Variants in ING4 observed in about 807,000 individuals in gnomAD.
The protein encoded by ING4 is inhibitor of growth family member 4.
ING4 carries 28 observed loss-of-function variants against 33.1 expected under a neutral mutation model. The ratio of observed to expected loss-of-function variants is 0.85; its 90% CI spans 0.63 to 1.16. The LOEUF (loss-of-function observed/expected upper bound fraction) is 1.16, where lower values mean the gene tolerates loss of function less well. Among genes scored for constraint, ING4 ranks in the 50% most tolerant of loss-of-function variants. The pLI is 0.00. For missense variants in ING4, 247 were observed against 314.7 expected (o/e 0.78, Z 1.63); for synonymous variants, 87 against 104.4 (o/e 0.83, Z 1.02).
intron 2 of ING4, among the ~76,000 whole-genome samples, chr12:6,653,919 G>A (rs993105277): frequency 6.6e-6 from 1 of 152,134 alleles, no homozygotes; most frequent in Non-Finnish European, 1.5e-5. Context: ...CTGGAGTGCA[G>A]TGGCACAATC....
intron 6 of ING4, among the ~76,000 whole-genome samples, chr12:6,651,784 T>C (rs2365102): frequency 0.93 from 141,191 of 151,554 alleles, 66,061 homozygotes; most frequent in Non-Finnish European, 0.97. Context: ...TCAAGTGATC[T>C]GCTCACCTTG....
chr12:6,659,563 G>A (rs1423259871), intron 1 of ING4, among the ~76,000 whole-genome samples: 1 of 151,582 alleles, frequency 6.6e-6, no homozygotes, highest in Non-Finnish European at 1.5e-5. Context: ...CTGTAATCCC[G>A]GCACTTTGGG....
intron 1 of ING4, among the ~76,000 whole-genome samples, chr12:6,658,994 G>A (rs1180293062): frequency 6.6e-6 from 1 of 152,062 alleles, no homozygotes; most frequent in East Asian, 1.9e-4. Flanking sequence ...CATCCCTCTT[G>A]GCCTATTAAA....
Position 6,651,196 on chromosome 12 carries a change from T to C in ING4, c.746A>G (p.Ter249TrpextTer18). 2 of 1,614,192 alleles carry C rather than the reference T, an allele frequency of 1.2e-6. No individual in the cohort carries two copies. Among genetic ancestry groups the C allele is most frequent in the Non-Finnish European group, 1.7e-6 (2 of 1,179,996 alleles). ...TGTGTTGGAATCCAAGGCCCTTATC[T>C]ATTTCTTCTTCCGTTCTTGGGAGCA... ...PRCSQERKKK[*>W] Residue 249 changes from the stop codon to tryptophan (W), a stop_lost, in exon 8 of 8, where the codon TAG becomes TGG. Transcript: ENST00000341550.
rs1949157622 is a variant in ING4 at position 6,650,834 on chromosome 12, G to A, written c.*361C>T. The A allele has an allele frequency of 6.3e-6, 2 of 316,512 alleles. No homozygotes were observed. The highest frequency in any genetic ancestry group is 1.2e-5 in the Non-Finnish European group (2 of 163,812). The allele number at this position is 316,512 out of a possible 1,614,324, so 19.6% of individuals were successfully genotyped here. A position where few individuals can be genotyped will look rare whatever the true frequency, so the allele number is the denominator to read the frequency against. On this transcript the variant is annotated 3_prime_UTR_variant, in exon 8 of 8. Transcript: ENST00000341550. ...ACAGGAGGGGGAATGAAGAGGTCTGGGGGACTGCCCCCATGCTATGCCCCA... is the reference window on the plus strand; with the variant it reads ...ACAGGAGGGGGAATGAAGAGGTCTGAGGGACTGCCCCCATGCTATGCCCCA...
At chr12:6,659,678 T>C (rs1949483710) in intron 1 of ING4, among the ~76,000 whole-genome samples, 1 of 151,320 alleles carries the variant, frequency 6.6e-6, no homozygotes, top group Non-Finnish European at 1.5e-5. Flanking sequence ...CTGGCCGTGG[T>C]GGCGGGCGCC....
Position 6,655,673 on chromosome 12 carries a change from G to A in ING4, c.109+1054C>T, listed in dbSNP as rs529093085. On this transcript the variant is annotated intron_variant, in intron 2 of 7. Coordinates refer to ENST00000341550, the MANE Select transcript of ING4 (RefSeq NM_016162.4). ...GCAGTTCTCAGGGAACTGTGTCCAGGGTTTTTGATGATGTTCACCTTTTCA... is the reference window on the plus strand; with the variant it reads ...GCAGTTCTCAGGGAACTGTGTCCAGAGTTTTTGATGATGTTCACCTTTTCA... 348 of 1,015,716 alleles carry A rather than the reference G, an allele frequency of 3.4e-4. 1 individual carries two copies. The highest frequency in any genetic ancestry group is 2.7e-3 in the Admixed American group (62 of 22,922). 62.9% of individuals were successfully genotyped at this position (1,015,716 alleles called of 1,614,324 possible).
At chr12:6,651,762 G>C (rs748647234) in intron 6 of ING4, among the ~76,000 whole-genome samples, 3 of 151,232 alleles carry the variant, frequency 2.0e-5, no homozygotes, top group Non-Finnish European at 1.5e-5. Context: ...GGCCAGTCTC[G>C]AACTCCTGAT....
In ING4 at chr12:6,650,821, A is replaced by C; in HGVS notation, c.*374T>G. On this transcript the variant is annotated 3_prime_UTR_variant, in exon 8 of 8. Coordinates refer to ENST00000341550, the MANE Select transcript of ING4 (RefSeq NM_016162.4). ...CCTAGCCCTCACCACAGGAGGGGGA[A>C]TGAAGAGGTCTGGGGGACTGCCCCC... 7.4e-6 allele frequency: 2 copies of C among 271,698 alleles called. No individual in the cohort carries two copies. The highest frequency in any genetic ancestry group is 2.1e-5 in the African/African-American group (1 of 46,554). 16.8% of individuals were successfully genotyped at this position (271,698 alleles called of 1,614,324 possible).
At chr12:6,655,485 G>C (rs1949325792) in intron 2 of ING4, among the ~76,000 whole-genome samples, 2 of 152,220 alleles carry the variant, frequency 1.3e-5, no homozygotes, top group South Asian at 4.1e-4. Context: ...CAGATAACCA[G>C]GAGGATCTGT....
intron 2 of ING4, among the ~76,000 whole-genome samples, chr12:6,654,337 T>C (rs559493431): frequency 1.3e-5 from 2 of 151,778 alleles, no homozygotes; most frequent in Admixed American, 6.6e-5. Flanking sequence ...TTTTCTTTTT[T>C]TTTTTTTTTG....
intron 1 of ING4, among the ~76,000 whole-genome samples, chr12:6,658,656 A>T (rs943688909): frequency 6.6e-6 from 1 of 152,228 alleles, no homozygotes; most frequent in Non-Finnish European, 1.5e-5. Flanking sequence ...AATGCACTCC[A>T]GCCTGGATGA....
At chr12:6,662,736 G>T (rs1245148245) in intron 1 of ING4, among the ~76,000 whole-genome samples, 1 of 152,060 alleles carries the variant, frequency 6.6e-6, no homozygotes, top group East Asian at 1.9e-4. Flanking sequence ...GTGTGATAAC[G>T]ATTCTGAACG....
At chr12:6,652,237 A>C in intron 6 of ING4, 34 bp downstream of exon 6, 1 of 1,605,652 alleles carries the variant, frequency 6.2e-7, no homozygotes, top group Admixed American at 1.7e-5. Context: ...CATGCCCCTC[A>C]CAACCCCCCA....
chr12:6,652,221 TCCCTTCATGC>T (rs1473678027), intron 6 of ING4, 40 bp downstream of exon 6: 19 of 1,590,934 alleles, frequency 1.2e-5, no homozygotes, highest in Non-Finnish European at 1.5e-5. Context: ...TTGTACCCAC[TCCCTTCATGC>T]CCCTCACAAC....
intron 6 of ING4, 127 bp downstream of exon 6, chr12:6,652,144 G>C (rs1949202606): frequency 8.5e-7 from 1 of 1,180,210 alleles, no homozygotes; most frequent in Non-Finnish European, 1.2e-6. Context: ...TCAGGCAAGA[G>C]CTACTACGTC....
Position 6,653,058 on chromosome 12 carries a change from G to C in ING4, c.277-8C>G. 2 of 1,613,456 alleles carry C rather than the reference G, an allele frequency of 1.2e-6. No individual in the cohort carries two copies. Among genetic ancestry groups the C allele is most frequent in the African/African-American group, 2.7e-5 (2 of 75,032 alleles). On this transcript the variant is annotated splice_region_variant and splice_polypyrimidine_tract_variant and intron_variant, in intron 3 of 7. Coordinates refer to ENST00000341550, the MANE Select transcript of ING4 (RefSeq NM_016162.4). ...CCGAATGTGTTTGTCCACCTGGGTGGAAAGGAAGGAGAAAGGAGAGGTACA... is the reference window on the plus strand; with the variant it reads ...CCGAATGTGTTTGTCCACCTGGGTGCAAAGGAAGGAGAAAGGAGAGGTACA...
At chr12:6,657,447 TCAAA>T (rs748962515) in intron 1 of ING4, among the ~76,000 whole-genome samples, 48 of 151,840 alleles carry the variant, frequency 3.2e-4, no homozygotes, top group African/African-American at 7.0e-4. Flanking sequence ...AGACTCCATC[TCAAA>T]CAAACAAACA....
At chr12:6,656,679 T>C in intron 2 of ING4, 48 bp downstream of exon 2, 1 of 1,050,830 alleles carries the variant, frequency 9.5e-7, no homozygotes. Flanking sequence ...GAAAAATAAA[T>C]GATTACACAC....
Sources: gnomAD v4.1 joint callset for allele counts (sites outside exome capture counted in the v4.1 genomes callset) on GRCh38, gnomAD v4.1.1 for gene constraint, MANE v1.5 for transcripts, NCBI Gene and HGNC (gene_info 2026-07-23, HGNC 2026-07-21) for gene names.